The following HSD17B2 variants were observed in gnomAD, a reference collection of about 807,000 sequenced individuals.
HSD17B2 encodes the protein hydroxysteroid 17-beta dehydrogenase 2.
In HSD17B2, 32 loss-of-function variants were observed where a neutral mutation model predicts 26.9. The ratio of observed to expected loss-of-function variants is 1.19; its 90% confidence interval spans 0.90 to 1.60. The LOEUF is 1.60. Ranked by LOEUF, HSD17B2 falls within the 40% of genes most tolerant of loss-of-function variation. The probability of loss-of-function intolerance (pLI) is 0.00; values close to 1 mark genes in which losing one functional copy is unlikely to be tolerated. For synonymous variants in HSD17B2, 246 were observed against 186.7 expected (o/e 1.32, Z -2.59); for missense variants, 613 against 468.6 (o/e 1.31, Z -2.85).
chr16:82,084,683 C>T (rs938577698), intron 3 of HSD17B2, among the ~76,000 whole-genome samples: 2 of 152,062 alleles, frequency 1.3e-5, no homozygotes, highest in South Asian at 2.1e-4. Context: ...CTCCAGAAAT[C>T]GCAGAGTAAA....
intron 1 of HSD17B2, among the ~76,000 whole-genome samples, chr16:82,045,358 G>T (rs943882351): frequency 6.6e-6 from 1 of 151,856 alleles, no homozygotes; most frequent in African/African-American, 2.4e-5. Flanking sequence ...CTACTCACTA[G>T]TTCTGCACTC....
chr16:82,040,413 T>G (rs1183874571), intron 1 of HSD17B2, among the ~76,000 whole-genome samples: 1 of 152,242 alleles, frequency 6.6e-6, no homozygotes, highest in African/African-American at 2.4e-5. Flanking sequence ...ACCCTAATAA[T>G]TCACATTTGT....
intron 3 of HSD17B2, among the ~76,000 whole-genome samples, chr16:82,083,671 G>A (rs955041314): frequency 2.6e-5 from 4 of 152,118 alleles, no homozygotes; most frequent in African/African-American, 9.7e-5. Flanking sequence ...TTCTTAATCT[G>A]CCAGCTGCTG....
At chr16:82,050,134 C>T (rs1480539697) in intron 1 of HSD17B2, among the ~76,000 whole-genome samples, 2 of 152,340 alleles carry the variant, frequency 1.3e-5, no homozygotes, top group East Asian at 1.9e-4. Flanking sequence ...AACAATTTCT[C>T]TCTCCAACAC....
chr16:82,044,797 G>A (rs1297142140), intron 1 of HSD17B2, among the ~76,000 whole-genome samples: 1 of 152,076 alleles, frequency 6.6e-6, no homozygotes, highest in African/African-American at 2.4e-5. Flanking sequence ...GGGAAGAAGT[G>A]TTCCCCTGTC....
At chr16:82,078,966 C>A (rs952027499) in intron 3 of HSD17B2, among the ~76,000 whole-genome samples, 1 of 152,082 alleles carries the variant, frequency 6.6e-6, no homozygotes, top group Non-Finnish European at 1.5e-5. Context: ...TTTGATAGCA[C>A]AACAGAGTGA....
chr16:82,052,158 G>A (rs187772505), intron 1 of HSD17B2: 5 of 152,198 alleles, frequency 3.3e-5, no homozygotes, highest in African/African-American at 1.2e-4. Flanking sequence ...TATACGGGTT[G>A]GTCCCTGGAA....
rs201028138 is a variant in HSD17B2 at position 82,074,004 on chromosome 16, A to G, written c.664+2877A>G. On this transcript the variant is annotated intron_variant, in intron 3 of 4. Coordinates refer to ENST00000199936, the MANE Select transcript of HSD17B2 (RefSeq NM_002153.3). The stretch of plus-strand genomic sequence containing the variant: ...AGCATGGTCCTGTACAAAAGCAGAT[A>G]CAAAGGTCAATGGAACAGAACAGAG... 3.3e-5 allele frequency among the ~76,000 whole-genome samples: 5 copies of G among 151,464 alleles called. No homozygotes were observed. The East Asian group carries it at 9.6e-4, about 29-fold the overall frequency.
At chr16:82,042,941 A>G (rs1473716171) in intron 1 of HSD17B2, among the ~76,000 whole-genome samples, 1 of 152,166 alleles carries the variant, frequency 6.6e-6, no homozygotes. Context: ...ATTTTAAACA[A>G]TCCCATAGAT....
At chr16:82,071,611 C>A (rs1445945460) in intron 3 of HSD17B2, 1 of 257,970 alleles carries the variant, frequency 3.9e-6, no homozygotes, top group Non-Finnish European at 7.6e-6. Context: ...CAGCCTCAAT[C>A]CAGCTAGGTC....
chr16:82,068,054 C>T (rs922734271), intron 1 of HSD17B2, 116 bp from the exon 2 acceptor site: 3 of 887,338 alleles, frequency 3.4e-6, no homozygotes, highest in Non-Finnish European at 3.5e-6. Context: ...TCCTCAGGAA[C>T]CCCTCTCTTC....
At chr16:82,044,720 G>A (rs1049682704) in intron 1 of HSD17B2, 2 of 152,312 alleles carry the variant, frequency 1.3e-5, no homozygotes, top group Non-Finnish European at 2.9e-5. Flanking sequence ...GAGGGTAGAG[G>A]AGCCAGAGGG....
chr16:82,090,798 C>A, intron 3 of HSD17B2, 104 bp from the exon 4 acceptor site: 1 of 1,138,030 alleles, frequency 8.8e-7, no homozygotes. Flanking sequence ...CTGCCCAAGT[C>A]ACTGATACCA....
chr16:82,072,220 G>C (rs1914714183), intron 3 of HSD17B2, among the ~76,000 whole-genome samples: 2 of 152,332 alleles, frequency 1.3e-5, no homozygotes, highest in East Asian at 1.9e-4. Context: ...GGGAGAGAGA[G>C]AGAGAGAGAA....
At position 82,098,462 on chromosome 16, in the gene HSD17B2, G is replaced by T; in HGVS notation, c.*26G>T. 1 of 1,559,324 alleles carries T rather than the reference G, an allele frequency of 6.4e-7. No homozygotes were observed. Among genetic ancestry groups the T allele is most frequent in the Non-Finnish European group, 8.6e-7 (1 of 1,156,710 alleles). ...GCAATGGAAGCCCTCAAAGAAGTCG[G>T]AATGTCATAGTCTTGAAATGAAAGG... On this transcript the variant is annotated 3_prime_UTR_variant, in exon 5 of 5. Transcript: ENST00000199936.
At chr16:82,051,385 A>C (rs111576109) in intron 1 of HSD17B2, among the ~76,000 whole-genome samples, 2,876 of 152,338 alleles carry the variant, frequency 0.019, 88 homozygotes, top group African/African-American at 0.064. Flanking sequence ...AAGACCATGG[A>C]CTAAAAAGGA....
chr16:82,041,525 T>A (rs141862488), intron 1 of HSD17B2, among the ~76,000 whole-genome samples: 281 of 152,352 alleles, frequency 1.8e-3, no homozygotes, highest in African/African-American at 6.5e-3. Flanking sequence ...TTACCCAGGA[T>A]GTGGCACAAA....
At chr16:82,060,618 A>G (rs1033068780) in intron 1 of HSD17B2, among the ~76,000 whole-genome samples, 1 of 152,252 alleles carries the variant, frequency 6.6e-6, no homozygotes, top group South Asian at 2.1e-4. Flanking sequence ...TTCAGATCAC[A>G]TCCTTTTACT....
At chr16:82,073,320 G>A (rs970954242) in intron 3 of HSD17B2, among the ~76,000 whole-genome samples, 3 of 151,830 alleles carry the variant, frequency 2.0e-5, no homozygotes, top group Admixed American at 2.0e-4. Context: ...CGCCTCCCGG[G>A]TTCACGCCAT....
Sources: allele counts gnomAD v4.1 joint callset (sites outside exome capture counted in the v4.1 genomes callset), GRCh38; gene constraint gnomAD v4.1.1; transcripts MANE v1.5; gene names NCBI Gene and HGNC (gene_info 2026-07-23, HGNC 2026-07-21).